Variants in LRPPRC observed in about 807,000 individuals in gnomAD.
The protein encoded by LRPPRC is leucine rich pentatricopeptide repeat containing.
LRPPRC carries 120 observed loss-of-function variants against 180.3 expected under a neutral mutation model. The ratio of observed to expected loss-of-function variants is 0.67; its 90% CI spans 0.57 to 0.77. LRPPRC has a LOEUF of 0.77. Ranked by LOEUF, LRPPRC falls within the 30% of genes least tolerant of loss-of-function variation. The pLI, the probability that LRPPRC is intolerant of heterozygous loss-of-function variation, is 0.00. For synonymous variants in LRPPRC, 723 were observed against 600.0 expected (o/e 1.21, Z -3.00); for missense variants, 2,012 against 1,657.2 (o/e 1.21, Z -3.72).
intron 11 of LRPPRC, among the ~76,000 whole-genome samples, chr2:43,969,273 G>A (rs989752035): frequency 2.0e-5 from 3 of 152,046 alleles, no homozygotes; most frequent in African/African-American, 4.8e-5. Flanking sequence ...TTAGCCGGGC[G>A]TGGTGGCGGG....
rs115103110 is a variant in LRPPRC, at chr2:43,891,413, A to G, written c.3986-1537T>C. Among the ~76,000 whole-genome samples the G allele has an allele frequency of 6.4e-3, 970 of 152,294 alleles. 11 individuals are homozygous for G. Among genetic ancestry groups the G allele is most frequent in the African/African-American group, 0.022 (904 of 41,550 alleles). ...TAACCCTGCCTTGGGCAAGTCTATC[A>G]ATGCCATTTTTCCAACAATATGTGC... is the stretch of plus-strand genomic sequence containing the variant. On this transcript the variant is annotated intron_variant, in intron 36 of 37. Transcript: ENST00000260665.
intron 14 of LRPPRC, among the ~76,000 whole-genome samples, chr2:43,956,876 C>G (rs2103648008): frequency 6.6e-6 from 1 of 152,196 alleles, no homozygotes; most frequent in Non-Finnish European, 1.5e-5. Context: ...GGCGACAGAG[C>G]AAGACTCCGT....
In LRPPRC at chr2:43,888,492, T is replaced by C. The variant is rs2104967065; in HGVS notation, c.*108A>G. 1 of 725,192 alleles carries C rather than the reference T, an allele frequency of 1.4e-6. No individual in the cohort carries two copies. 44.9% of individuals were successfully genotyped at this position (725,192 alleles called of 1,614,324 possible). ...ACTTTGAACATGCATCACACATACA[T>C]AAGTACATAAAGAAAATTTTCATTT... On this transcript the variant is annotated 3_prime_UTR_variant, in exon 38 of 38. Coordinates refer to ENST00000260665, the MANE Select transcript of LRPPRC (RefSeq NM_133259.4).
intron 11 of LRPPRC, among the ~76,000 whole-genome samples, chr2:43,966,169 T>C (rs1673547674): frequency 1.3e-5 from 2 of 152,050 alleles, no homozygotes; most frequent in African/African-American, 4.8e-5. Context: ...ATGAATGAAC[T>C]TGAAGCACAT....
Position 43,925,087 on chromosome 2 carries a change from T to C in LRPPRC, c.2876A>G (p.Tyr959Cys), listed in dbSNP as rs1259499412. The C allele has an allele frequency of 5.7e-6, 9 of 1,575,674 alleles. No homozygotes were observed. Among genetic ancestry groups the C allele is most frequent in the Non-Finnish European group, 7.9e-6 (9 of 1,145,008 alleles). Residue 959 changes from tyrosine (Y) to cysteine (C), a missense_variant, in exon 27 of 38, where the codon TAC becomes TGC. Coordinates refer to ENST00000260665, the MANE Select transcript of LRPPRC (RefSeq NM_133259.4). ...CTTACTATACAGTTTTAGCAGATTG[T>C]AGTACATCTGGTCTCTATCACATTC... ...LFECDRDQMY[Y>C]NLLKLYKING... is the part of the protein sequence containing the mutation.
At chr2:43,910,379 C>T (rs552030736) in intron 30 of LRPPRC, among the ~76,000 whole-genome samples, 3 of 152,010 alleles carry the variant, frequency 2.0e-5, no homozygotes, top group South Asian at 4.2e-4. Flanking sequence ...GGATTACAGG[C>T]GCCTGCCACC....
chr2:43,890,395 G>C, intron 36 of LRPPRC: 1 of 468,650 alleles, frequency 2.1e-6, no homozygotes, highest in Non-Finnish European at 4.4e-6. Flanking sequence ...GGAAAGTATA[G>C]TTAGCTACAA....
intron 37 of LRPPRC, among the ~76,000 whole-genome samples, chr2:43,888,945 G>A (rs930193553): frequency 6.6e-6 from 1 of 152,158 alleles, no homozygotes; most frequent in African/African-American, 2.4e-5. Context: ...GAAGGCTGAG[G>A]TGTTTGAAAT....
rs1410610532 is a variant in LRPPRC, at chr2:43,918,411, A to T, written c.2897-13T>A. On this transcript the variant is annotated splice_polypyrimidine_tract_variant and intron_variant, in intron 27 of 37. Transcript: ENST00000260665. ...TCACCGTTTATTTCTGTAGAATTTGATTAAGCAGAAATTAATCAATAAATA... is the reference window on the plus strand; with the variant it reads ...TCACCGTTTATTTCTGTAGAATTTGTTTAAGCAGAAATTAATCAATAAATA... 6.3e-7 allele frequency: 1 copy of T among 1,590,630 alleles called. No individual in the cohort carries two copies. Among genetic ancestry groups the T allele is most frequent in the Non-Finnish European group, 8.6e-7 (1 of 1,159,238 alleles).
chr2:43,899,794 T>G (rs181667883), intron 32 of LRPPRC, 189 bp from the exon 33 acceptor site: 1 of 594,836 alleles, frequency 1.7e-6, no homozygotes, highest in Non-Finnish European at 3.0e-6. Flanking sequence ...GCAAAAACAT[T>G]CACTAGCTGG....
At chr2:43,910,130 G>T (rs974728340) in intron 30 of LRPPRC, among the ~76,000 whole-genome samples, 17 of 152,046 alleles carry the variant, frequency 1.1e-4, no homozygotes, top group African/African-American at 3.6e-4. Flanking sequence ...CCACTAATTG[G>T]CTGCAATTGC....
intron 1 of LRPPRC, among the ~76,000 whole-genome samples, chr2:43,986,412 G>A (rs1161760237): frequency 1.3e-5 from 2 of 152,138 alleles, no homozygotes; most frequent in Non-Finnish European, 2.9e-5. Context: ...TTACAGGCAT[G>A]AGCCACCATG....
At chr2:43,912,682 T>A in intron 29 of LRPPRC, 124 bp from the exon 30 acceptor site, 2 of 692,802 alleles carry the variant, frequency 2.9e-6, no homozygotes, top group Non-Finnish European at 5.2e-6. Flanking sequence ...AACCCACTGT[T>A]ACCACTCTAT....
intron 23 of LRPPRC, among the ~76,000 whole-genome samples, chr2:43,938,703 C>T (rs941044252): frequency 7.2e-5 from 11 of 152,152 alleles, no homozygotes; most frequent in Non-Finnish European, 1.2e-4. Context: ...AAACAAACAC[C>T]ATGTAGCATG....
chr2:43,975,674 C>G (rs1021056452), intron 6 of LRPPRC, among the ~76,000 whole-genome samples: 3 of 151,882 alleles, frequency 2.0e-5, no homozygotes, highest in African/African-American at 7.2e-5. Context: ...CCTCTGCCTC[C>G]CGGGTTCAAG....
intron 21 of LRPPRC, 128 bp from the exon 22 acceptor site, chr2:43,945,545 A>C (rs988840646): frequency 7.3e-6 from 5 of 687,748 alleles, no homozygotes; most frequent in Non-Finnish European, 1.1e-5. Flanking sequence ...TCTACGCTTC[A>C]GTTAGGATTT....
intron 2 of LRPPRC, among the ~76,000 whole-genome samples, chr2:43,981,474 C>A (rs936808859): frequency 4.6e-5 from 7 of 152,116 alleles, no homozygotes; most frequent in African/African-American, 1.4e-4. Flanking sequence ...GCCTGGCCAA[C>A]ATGGTGAAAC....
intron 31 of LRPPRC, chr2:43,903,225 C>T (rs1670950851): frequency 6.6e-6 from 1 of 152,362 alleles, no homozygotes; most frequent in South Asian, 2.1e-4. Flanking sequence ...AAAAATGTTA[C>T]CCATCCACAT....
intron 1 of LRPPRC, among the ~76,000 whole-genome samples, chr2:43,991,198 T>C (rs1452027336): frequency 6.6e-6 from 1 of 151,862 alleles, no homozygotes; most frequent in Non-Finnish European, 1.5e-5. Flanking sequence ...GCTAATTTTG[T>C]TTTTGTATTT....
Sources: gnomAD v4.1 joint callset for allele counts (sites outside exome capture counted in the v4.1 genomes callset) on GRCh38, gnomAD v4.1.1 for gene constraint, MANE v1.5 for transcripts, NCBI Gene and HGNC (gene_info 2026-07-23, HGNC 2026-07-21) for gene names.